EIF4G3: variants seen among roughly 807,000 people sequenced by gnomAD.
EIF4G3 encodes the protein eukaryotic translation initiation factor 4 gamma 3.
A neutral mutation model predicts 186.4 loss-of-function variants in EIF4G3; 34 were observed. The ratio of observed to expected loss-of-function variants is 0.18; its 90% CI spans 0.14 to 0.24. The LOEUF (loss-of-function observed/expected upper bound fraction) is 0.24. EIF4G3 is among the 10% of genes least tolerant of loss of function. The pLI, the probability that EIF4G3 is intolerant of heterozygous loss-of-function variation, is 1.00. For missense variants in EIF4G3, 1,536 were observed against 1,948.5 expected (o/e 0.79, Z 3.99); for synonymous variants, 673 against 679.5 (o/e 0.99, Z 0.15).
At chr1:20,893,138 G>A (rs1207124881) in intron 18 of EIF4G3, 1 of 109,544 alleles carries the variant, frequency 9.1e-6, no homozygotes, top group African/African-American at 4.8e-5. Flanking sequence ...TCTCTTTGTT[G>A]TCAGGCTGAC....
chr1:20,994,204 A>G (rs2081751390), intron 7 of EIF4G3, among the ~76,000 whole-genome samples: 1 of 152,238 alleles, frequency 6.6e-6, no homozygotes, highest in African/African-American at 2.4e-5. Context: ...CCAAATGCCA[A>G]TACCTATCCC....
intron 14 of EIF4G3, among the ~76,000 whole-genome samples, chr1:20,940,310 G>T (rs1408604892): frequency 2.6e-5 from 4 of 152,156 alleles, no homozygotes; most frequent in African/African-American, 4.8e-5. Flanking sequence ...AAAGATTTAT[G>T]AAAAATTTCT....
At position 21,176,270 on chromosome 1, in the gene EIF4G3, T is replaced by C. The variant is rs749796228; in HGVS notation, c.-367A>G. Reference sequence around the variant, plus strand: ...CCGCCGCCGCCGCCGCCGCCGCTGCTGCCGCCGCCGGGTGAGGAGGCGGTA... The same window carrying C: ...CCGCCGCCGCCGCCGCCGCCGCTGCCGCCGCCGCCGGGTGAGGAGGCGGTA... On this transcript the variant is annotated 5_prime_UTR_variant, in exon 2 of 37. Transcript: ENST00000602326. The C allele has an allele frequency of 7.8e-3, 2,484 of 319,798 alleles. 12 individuals are homozygous for C. The highest frequency in any genetic ancestry group is 0.011 in the South Asian group (96 of 8,998). The allele number at this position is 319,798 out of a possible 1,614,324, so 19.8% of individuals were successfully genotyped here.
chr1:21,129,269 T>C (rs1480617137), intron 2 of EIF4G3, among the ~76,000 whole-genome samples: 1 of 151,302 alleles, frequency 6.6e-6, no homozygotes, highest in Non-Finnish European at 1.5e-5. Context: ...AAGCCTAGAT[T>C]GCACCACTGC....
rs927956976 is a variant in EIF4G3 at position 20,934,505 on chromosome 1, T to TA, written c.1663+6985dup. Among the ~76,000 whole-genome samples, 81 of 151,500 alleles carry TA rather than the reference T, an allele frequency of 5.3e-4. 2 individuals carry two copies. The highest frequency in any genetic ancestry group is 1.4e-3 in the African/African-American group (59 of 41,268). On this transcript the variant is annotated intron_variant, in intron 14 of 36. Transcript: ENST00000602326. Reference sequence around the variant, plus strand: ...CCAGGTTTGTAAGGGGGCAGAAAGTTAAAAAAAAGGCGTACCCAGTGTCCT... The same window carrying TA: ...CCAGGTTTGTAAGGGGGCAGAAAGTTAAAAAAAAAGGCGTACCCAGTGTCCT...
At chr1:21,100,069 C>A (rs1278100174) in intron 2 of EIF4G3, among the ~76,000 whole-genome samples, 1 of 152,096 alleles carries the variant, frequency 6.6e-6, no homozygotes. Context: ...ACGGATAAAC[C>A]TTGAAAACAT....
chr1:20,883,905 G>C (rs1054044835), intron 19 of EIF4G3, among the ~76,000 whole-genome samples: 2 of 152,146 alleles, frequency 1.3e-5, no homozygotes, highest in African/African-American at 4.8e-5. Context: ...AGATGACTCA[G>C]GCAGCATCAG....
At chr1:20,847,814 C>A (rs1045872202) in intron 29 of EIF4G3, 1 of 471,684 alleles carries the variant, frequency 2.1e-6, no homozygotes, top group African/African-American at 2.0e-5. Context: ...ACCTCCACCT[C>A]ACTCATCATC....
chr1:21,151,304 T>C (rs1051590259), intron 2 of EIF4G3, among the ~76,000 whole-genome samples: 2 of 122,940 alleles, frequency 1.6e-5, no homozygotes, highest in African/African-American at 5.9e-5. Context: ...AGTGGCACGA[T>C]CTCGGCTCAC....
intron 25 of EIF4G3, among the ~76,000 whole-genome samples, chr1:20,856,997 C>T (rs1290648621): frequency 6.6e-6 from 1 of 151,548 alleles, no homozygotes; most frequent in Non-Finnish European, 1.5e-5. Flanking sequence ...CCCGTCTCTA[C>T]TAAAAAATAC....
At chr1:20,967,272 G>C (rs2074904184) in intron 12 of EIF4G3, among the ~76,000 whole-genome samples, 1 of 152,160 alleles carries the variant, frequency 6.6e-6, no homozygotes, top group African/African-American at 2.4e-5. Flanking sequence ...ACAAAGGATT[G>C]TCTATCCTTT....
At chr1:21,124,719 G>A (rs985131773) in intron 2 of EIF4G3, among the ~76,000 whole-genome samples, 11 of 152,040 alleles carry the variant, frequency 7.2e-5, no homozygotes, top group Non-Finnish European at 1.3e-4. Flanking sequence ...ATTTATTTTG[G>A]TCAGCCAACA....
intron 3 of EIF4G3, among the ~76,000 whole-genome samples, chr1:21,083,146 T>C (rs956070198): frequency 2.0e-5 from 3 of 150,278 alleles, no homozygotes; most frequent in Admixed American, 1.3e-4. Flanking sequence ...GAAGCTGATG[T>C]AGGAGGTTCA....
intron 3 of EIF4G3, among the ~76,000 whole-genome samples, chr1:21,069,296 G>C (rs2095368452): frequency 6.6e-6 from 1 of 152,064 alleles, no homozygotes; most frequent in African/African-American, 2.4e-5. Context: ...TGCTTAATGA[G>C]AACCCAGAAA....
chr1:21,096,106 G>A lies in EIF4G3; in HGVS notation c.-271-6893C>T, dbSNP rs565420899. Among the ~76,000 whole-genome samples, 3 of 152,258 alleles carry A rather than the reference G, an allele frequency of 2.0e-5. No individual in the cohort carries two copies. In the East Asian group the frequency reaches 5.8e-4, roughly 29 times the overall value. On this transcript the variant is annotated intron_variant, in intron 2 of 36. Transcript: ENST00000602326. Reference sequence around the variant, plus strand: ...AAAGTAAGCCTCTCTCCTCAAAAATGCCCACCTTGCACAATAGCAAAAATA... The same window carrying A: ...AAAGTAAGCCTCTCTCCTCAAAAATACCCACCTTGCACAATAGCAAAAATA...
At chr1:21,160,256 A>C (rs887907712) in intron 2 of EIF4G3, among the ~76,000 whole-genome samples, 1 of 152,086 alleles carries the variant, frequency 6.6e-6, no homozygotes. Context: ...ATATATACCC[A>C]TGAGTCCATA....
chr1:20,858,052 T>C (rs908450083), intron 24 of EIF4G3, among the ~76,000 whole-genome samples: 1 of 152,190 alleles, frequency 6.6e-6, no homozygotes, highest in African/African-American at 2.4e-5. Flanking sequence ...TTAGCAGTTT[T>C]GTTTAAGCCA....
chr1:20,996,386 C>T (rs2082290768), intron 7 of EIF4G3, among the ~76,000 whole-genome samples: 1 of 152,048 alleles, frequency 6.6e-6, no homozygotes. Context: ...AAAAAAAATA[C>T]CCTGAGGTTT....
At chr1:20,948,260 G>T (rs1398317211) in intron 13 of EIF4G3, among the ~76,000 whole-genome samples, 4 of 152,162 alleles carry the variant, frequency 2.6e-5, no homozygotes, top group Non-Finnish European at 5.9e-5. Flanking sequence ...CTTTATCATT[G>T]AAGGTAGCAA....
Sources: allele counts gnomAD v4.1 joint callset (sites outside exome capture counted in the v4.1 genomes callset), GRCh38; gene constraint gnomAD v4.1.1; transcripts MANE v1.5; gene names NCBI Gene and HGNC (gene_info 2026-07-23, HGNC 2026-07-21).